TAFA1: variants seen among roughly 807,000 people sequenced by gnomAD.
The protein encoded by TAFA1 is TAFA chemokine like family member 1, also known as chemokine-like protein TAFA-1.
A neutral mutation model predicts 18.5 loss-of-function variants in TAFA1; 4 were observed. That is an observed-to-expected ratio of 0.22 (90% CI 0.11 to 0.49). The LOEUF is 0.49. Ranked by LOEUF, TAFA1 falls within the 20% of genes least tolerant of loss-of-function variation. The pLI, the probability that TAFA1 is intolerant of heterozygous loss-of-function variation, is 0.98. For missense variants in TAFA1, 147 were observed against 169.0 expected (o/e 0.87, Z 0.72); for synonymous variants, 56 against 55.2 (o/e 1.01, Z -0.06).
At chr3:68,493,955 A>T (rs947138749) in intron 3 of TAFA1, among the ~76,000 whole-genome samples, 1 of 152,158 alleles carries the variant, frequency 6.6e-6, no homozygotes, top group African/African-American at 2.4e-5. Context: ...CCAGGAGTTT[A>T]TTCAGTCTCT....
At chr3:67,998,998 A>G in the TAFA1 span, among the ~76,000 whole-genome samples, 1 of 152,298 alleles carries the variant, frequency 6.6e-6, no homozygotes, top group South Asian at 2.1e-4. Context: ...TCTTTCTTCT[A>G]GCTTACTAAA....
chr3:68,161,442 C>G (rs1373622900), intron 2 of TAFA1, among the ~76,000 whole-genome samples: 3 of 152,152 alleles, frequency 2.0e-5, no homozygotes, highest in African/African-American at 7.2e-5. Context: ...GGCCCCACCT[C>G]GGACCTGCTC....
intron 2 of TAFA1, among the ~76,000 whole-genome samples, chr3:68,032,214 A>G (rs1393583329): frequency 6.6e-6 from 1 of 152,192 alleles, no homozygotes. Context: ...GTTTTTTCAA[A>G]CAATGCCTTA....
intron 2 of TAFA1, among the ~76,000 whole-genome samples, chr3:68,264,776 C>T (rs970516536): frequency 1.4e-5 from 2 of 147,726 alleles, no homozygotes; most frequent in South Asian, 2.1e-4. Flanking sequence ...ACAGACCAAA[C>T]TTTTGACAAA....
At chr3:68,326,953 C>A (rs967868255) in intron 2 of TAFA1, among the ~76,000 whole-genome samples, 15 of 152,180 alleles carry the variant, frequency 9.9e-5, no homozygotes, top group African/African-American at 3.6e-4. Flanking sequence ...ACCCAAATCT[C>A]ATTTTGAATT....
chr3:68,006,352 G>A (rs566491721), intron 1 of TAFA1: 122 of 388,946 alleles, frequency 3.1e-4, no homozygotes, highest in African/African-American at 2.3e-3. Flanking sequence ...GTTTTAAACC[G>A]ACTAACTGAT....
chr3:68,346,394 G>A (rs551423837), intron 2 of TAFA1, among the ~76,000 whole-genome samples: 3 of 152,204 alleles, frequency 2.0e-5, no homozygotes, highest in East Asian at 1.9e-4. Flanking sequence ...CTGGGCTCAC[G>A]CAATCCACCC....
intron 2 of TAFA1, among the ~76,000 whole-genome samples, chr3:68,120,190 T>A (rs1479812910): frequency 1.0e-4 from 4 of 39,710 alleles, no homozygotes; most frequent in African/African-American, 3.5e-4. Context: ...TCTTTCTTTC[T>A]TTCTTTCTTT....
chr3:68,281,238 G>A (rs765743645), intron 2 of TAFA1, among the ~76,000 whole-genome samples: 6 of 152,046 alleles, frequency 3.9e-5, no homozygotes, highest in Non-Finnish European at 7.4e-5. Context: ...AAAGGTTAAA[G>A]GGAAGAATGG....
intron 2 of TAFA1, among the ~76,000 whole-genome samples, chr3:68,262,440 C>A (rs2067454421): frequency 6.7e-6 from 1 of 149,122 alleles, no homozygotes; most frequent in African/African-American, 2.5e-5. Context: ...CTTCTTCCTT[C>A]CCCCTTTAGT....
chr3:68,017,683 G>A (rs1001192600), intron 2 of TAFA1, among the ~76,000 whole-genome samples: 1 of 152,108 alleles, frequency 6.6e-6, no homozygotes, highest in Admixed American at 6.6e-5. Flanking sequence ...AGCCACATGG[G>A]TCCAATAGCT....
intron 3 of TAFA1, among the ~76,000 whole-genome samples, chr3:68,516,767 A>T (rs1303168136): frequency 6.6e-6 from 1 of 152,134 alleles, no homozygotes; most frequent in African/African-American, 2.4e-5. Context: ...AGTACAGAGT[A>T]AATAAATTGT....
chr3:68,227,245 C>A (rs879676351), intron 2 of TAFA1, among the ~76,000 whole-genome samples: 109 of 152,268 alleles, frequency 7.2e-4, no homozygotes, highest in Admixed American at 5.7e-3. Flanking sequence ...TGTATCCTAG[C>A]AATCTCTGTT....
chr3:68,230,058 T>A (rs944921063), intron 2 of TAFA1, among the ~76,000 whole-genome samples: 6 of 152,186 alleles, frequency 3.9e-5, no homozygotes, highest in African/African-American at 4.8e-5. Flanking sequence ...TAAGTAATGA[T>A]CCAATCAGTA....
intron 3 of TAFA1, among the ~76,000 whole-genome samples, chr3:68,455,706 C>A (rs914356496): frequency 8.6e-5 from 13 of 151,928 alleles, no homozygotes; most frequent in Admixed American, 8.5e-4. Flanking sequence ...CTTGATTGGC[C>A]CTGTCATGAA....
At chr3:68,204,357 A>G (rs2066501843) in intron 2 of TAFA1, among the ~76,000 whole-genome samples, 3 of 151,758 alleles carry the variant, frequency 2.0e-5, no homozygotes, top group Non-Finnish European at 4.4e-5. Context: ...AGAGATGATC[A>G]TGGGAAAGCC....
At chr3:68,313,988 T>C (rs1245651889) in intron 2 of TAFA1, among the ~76,000 whole-genome samples, 1 of 152,222 alleles carries the variant, frequency 6.6e-6, no homozygotes, top group African/African-American at 2.4e-5. Context: ...AATCCTTTTT[T>C]TTCAACATTA....
At chr3:68,053,201 T>C (rs1489811712) in intron 2 of TAFA1, among the ~76,000 whole-genome samples, 1 of 151,904 alleles carries the variant, frequency 6.6e-6, no homozygotes, top group Non-Finnish European at 1.5e-5. Context: ...ACATTGCAGA[T>C]ATGATGAGTC....
At chr3:68,447,532 A>C (rs1293947756) in intron 3 of TAFA1, among the ~76,000 whole-genome samples, 1 of 152,218 alleles carries the variant, frequency 6.6e-6, no homozygotes, top group Non-Finnish European at 1.5e-5. Flanking sequence ...CCATTGCTCC[A>C]AAACTCTCCA....
Sources: allele counts gnomAD v4.1 joint callset (sites outside exome capture counted in the v4.1 genomes callset), GRCh38; gene constraint gnomAD v4.1.1; transcripts MANE v1.5; gene names NCBI Gene and HGNC (gene_info 2026-07-23, HGNC 2026-07-21).